The following CABP4 variants were observed in gnomAD, a reference collection of about 807,000 sequenced individuals.
CABP4 encodes calcium-binding protein 4.
CABP4 carries 30 observed loss-of-function variants against 30.7 expected under a neutral mutation model. The ratio of observed to expected loss-of-function variants is 0.98; its 90% CI spans 0.73 to 1.33. CABP4 has a LOEUF of 1.33. Among genes scored for constraint, CABP4 ranks in the 40% most tolerant of loss-of-function variants. The pLI, the probability that CABP4 is intolerant of heterozygous loss-of-function variation, is 0.00. For missense variants in CABP4, 424 were observed against 395.5 expected (o/e 1.07, Z -0.61); for synonymous variants, 161 against 159.2 (o/e 1.01, Z -0.08).
In CABP4 at chr11:67,459,877, G is replaced by T. The variant is rs754686225; in HGVS notation, c.*1218G>T. The T allele has an allele frequency of 2.0e-5, 3 of 152,218 alleles. No homozygotes were observed. Among genetic ancestry groups the T allele is most frequent in the Non-Finnish European group, 4.4e-5 (3 of 68,060 alleles). The allele number at this position is 152,218 out of a possible 1,614,324, so 9.4% of individuals were successfully genotyped here. A position where few individuals can be genotyped will look rare whatever the true frequency, so the allele number is the denominator to read the frequency against. On this transcript the variant is annotated 3_prime_UTR_variant, in exon 6 of 6. Coordinates refer to ENST00000325656, the MANE Select transcript of CABP4 (RefSeq NM_145200.5). The stretch of plus-strand genomic sequence containing the variant: ...AGGCAGGAGAATCGCTTGAGCCCGG[G>T]AGGTGGAGCTGCAGTGAGCTGAGAT...
At chr11:67,456,998 A>C (rs534448268) in intron 3 of CABP4, among the ~76,000 whole-genome samples, 21 of 152,040 alleles carry the variant, frequency 1.4e-4, no homozygotes, top group African/African-American at 4.8e-4. Context: ...TCATTCCAGG[A>C]CTCCTGCATT....
In CABP4 at chr11:67,455,509, A is replaced by G. The variant is rs1266519334; in HGVS notation, c.86A>G (p.Lys29Arg). The change falls in exon 1 of 6, where the codon AAG becomes AGG. Residue 29 changes from lysine (K) to arginine (R), a missense_variant. Physicochemically the swap from Lys to Arg is conservative, Grantham distance 26. Coordinates refer to ENST00000325656, the MANE Select transcript of CABP4 (RefSeq NM_145200.5). Reference protein sequence around the residue: ...QKPPAGVVTPKSDAEEPPLTR... With the variant: ...QKPPAGVVTPRSDAEEPPLTR... Reference sequence around the variant, plus strand: ...CCCCCTGCGGGGGTTGTGACTCCCAAGAGTGATGCAGAGGAGCCCCCGTTG... The same window carrying G: ...CCCCCTGCGGGGGTTGTGACTCCCAGGAGTGATGCAGAGGAGCCCCCGTTG... The G allele has an allele frequency of 3.1e-6, 5 of 1,605,036 alleles. No homozygotes were observed. The highest frequency in any genetic ancestry group is 4.2e-6 in the Non-Finnish European group (5 of 1,176,894).
rs35146220 is a variant in CABP4, at chr11:67,460,516, TACACAC to T, written c.*1879_*1884del. On this transcript the variant is annotated 3_prime_UTR_variant, in exon 6 of 6. Transcript: ENST00000325656. ...AAAAAAATAAAGTATATTTTATATA[TACACAC>T]ACACACACACACACACACACAGCCA... Among the ~76,000 whole-genome samples the T allele has an allele frequency of 2.0e-5, 3 of 149,492 alleles. No individual in the cohort carries two copies. The highest frequency in any genetic ancestry group is 1.5e-5 in the Non-Finnish European group (1 of 67,208).
chr11:67,457,626 A>G lies in CABP4; in HGVS notation c.595A>G (p.Arg199Gly), dbSNP rs1370017374. 22 of 1,605,754 alleles carry G rather than the reference A, an allele frequency of 1.4e-5. No individual in the cohort carries two copies. The highest frequency in any genetic ancestry group is 1.9e-5 in the Non-Finnish European group (22 of 1,176,312). The change falls in exon 4 of 6, where the codon AGG (arginine) becomes GGG (glycine). Residue 199 changes from arginine (R) to glycine (G), a missense_variant. Transcript: ENST00000325656. ...EFVELIGPKL[R>G]EETAHMLGVR... Reference sequence around the variant, plus strand: ...TGTAGAACTGATAGGCCCAAAGCTGAGGGAGGAGACGGCGCACATGCTGGG... The same window carrying G: ...TGTAGAACTGATAGGCCCAAAGCTGGGGGAGGAGACGGCGCACATGCTGGG...
chr11:67,455,922 G>C (rs1864769247), intron 1 of CABP4, 133 bp downstream of exon 1: 9 of 1,340,538 alleles, frequency 6.7e-6, no homozygotes, highest in African/African-American at 1.5e-5. Context: ...CTGTGGGGCA[G>C]GGTTGCTGCG....
chr11:67,452,591 G>A (rs761395961), upstream of CABP4: 10 of 1,611,984 alleles, frequency 6.2e-6, no homozygotes, highest in Admixed American at 1.3e-4. Flanking sequence ...CCCATTGGCT[G>A]GCAGCCCAAG....
chr11:67,456,439 C>A lies in CABP4; in HGVS notation c.538C>A (p.Arg180Ser). ...LLEVSQHIKM[R>S]MGGRVDFEEF... The stretch of plus-strand genomic sequence containing the variant: ...GGAGGTCTCGCAGCACATCAAGATG[C>A]GCAGTCAGTCAGGGAGCCCGCCCGC... The change falls in exon 3 of 6, where the codon CGC (arginine) becomes AGC (serine). Residue 180 changes from arginine (R) to serine (S), a missense_variant. Transcript: ENST00000325656. 6.2e-7 allele frequency: 1 copy of A among 1,610,440 alleles called. No individual in the cohort carries two copies. Among genetic ancestry groups the A allele is most frequent in the South Asian group, 1.1e-5 (1 of 91,062 alleles).
At position 67,455,651 on chromosome 11, in the gene CABP4, T is replaced by G. The variant is rs1050306159; in HGVS notation, c.228T>G (p.Thr76=). The change falls in exon 1 of 6, where the codon ACT becomes ACG. Residue 76 remains threonine (T), a synonymous_variant. Transcript: ENST00000325656. The part of the protein sequence containing the change: ...APGSSNNPPS[T]GEGPAGAPPA... ...GGAGCAGCAATAACCCTCCCAGCAC[T>G]GGAGAGGGGCCGGCGGGCGCACCCC... 1.1e-5 allele frequency: 17 copies of G among 1,610,370 alleles called. No homozygotes were observed. Among genetic ancestry groups the G allele is most frequent in the Admixed American group, 1.7e-5 (1 of 59,872 alleles).
chr11:67,455,692 C>T lies in CABP4; in HGVS notation c.269C>T (p.Pro90Leu), dbSNP rs748891243. 27 of 1,607,918 alleles carry T rather than the reference C, an allele frequency of 1.7e-5. No individual in the cohort carries two copies. The highest frequency in any genetic ancestry group is 1.4e-4 in the South Asian group (13 of 90,354). ...PAGAPPASPG[P>L]ASSRQSHRHR... ...GGCGCACCCCCTGCATCCCCTGGGC[C>T]GGCCTCTTCTCGCCAGTCCCACCGA... Residue 90 changes from proline (P) to leucine (L), a missense_variant, in exon 1 of 6, where the codon CCG becomes CTG. Coordinates refer to ENST00000325656, the MANE Select transcript of CABP4 (RefSeq NM_145200.5).
At chr11:67,454,068 C>T (rs1414615822), upstream of CABP4, among the ~76,000 whole-genome samples, 2 of 152,170 alleles carry the variant, frequency 1.3e-5, no homozygotes, top group Non-Finnish European at 2.9e-5. Flanking sequence ...TCCCGCTTCC[C>T]ACAGCTCAGG....
intron 3 of CABP4, 143 bp downstream of exon 3, chr11:67,456,585 T>A: frequency 9.3e-7 from 1 of 1,077,346 alleles, no homozygotes; most frequent in Non-Finnish European, 1.4e-6. Context: ...GGCACCGGGT[T>A]CAAGCTCCTG....
chr11:67,458,583 G>A, intron 5 of CABP4, 48 bp from the exon 6 acceptor site: 1 of 1,614,090 alleles, frequency 6.2e-7, no homozygotes, highest in Non-Finnish European at 8.5e-7. Flanking sequence ...AGCACCTCCT[G>A]GGATCCCTGA....
upstream of CABP4, chr11:67,453,752 C>T (rs2135165515): frequency 6.6e-6 from 1 of 152,356 alleles, no homozygotes; most frequent in South Asian, 2.0e-4. Flanking sequence ...TACCCCTACC[C>T]CCCAGGGTTC....
rs868435102 is a variant in CABP4, at chr11:67,455,968, G to C, written c.366+179G>C. 8 of 1,146,988 alleles carry C rather than the reference G, an allele frequency of 7.0e-6. No homozygotes were observed. The African/African-American group carries it at 1.1e-4, about 16-fold the overall frequency. The allele number at this position is 1,146,988 out of a possible 1,614,324, so 71.1% of individuals were successfully genotyped here. A position where few individuals can be genotyped will look rare whatever the true frequency, so the allele number is the denominator to read the frequency against. On this transcript the variant is annotated intron_variant, in intron 1 of 5. Coordinates refer to ENST00000325656, the MANE Select transcript of CABP4 (RefSeq NM_145200.5). ...GGGTAGGTCTCGGGCCAGCGTGGGCGGTGGGCAGAGCCAGAATTCACACCA... is the reference window on the plus strand; with the variant it reads ...GGGTAGGTCTCGGGCCAGCGTGGGCCGTGGGCAGAGCCAGAATTCACACCA...
chr11:67,453,380 T>C (rs1402546118), upstream of CABP4: 1 of 152,068 alleles, frequency 6.6e-6, no homozygotes, highest in Non-Finnish European at 1.5e-5. Context: ...AGGTATGGAA[T>C]TTTGTCTGTA....
chr11:67,460,909 C>T lies in CABP4; in HGVS notation c.*2250C>T, dbSNP rs985062656. Among the ~76,000 whole-genome samples the T allele has an allele frequency of 2.6e-5, 4 of 151,092 alleles. No individual in the cohort carries two copies. The highest frequency in any genetic ancestry group is 4.4e-5 in the Non-Finnish European group (3 of 67,910). On this transcript the variant is annotated 3_prime_UTR_variant, in exon 6 of 6. Coordinates refer to ENST00000325656, the MANE Select transcript of CABP4 (RefSeq NM_145200.5). ...CTGAGGCAAGAGAATGGCGTGAACC[C>T]AGGAGGCGGAGCTTGCAGTGAGCCG...
rs200503985 is a variant in CABP4, at chr11:67,456,431, T to C, written c.530T>C (p.Ile177Thr). 1.1e-5 allele frequency: 18 copies of C among 1,610,508 alleles called. No individual in the cohort carries two copies. The highest frequency in any genetic ancestry group is 1.5e-5 in the Non-Finnish European group (18 of 1,179,914). Reference sequence around the variant, plus strand: ...GAGCTCCTGGAGGTCTCGCAGCACATCAAGATGCGCAGTCAGTCAGGGAGC... The same window carrying C: ...GAGCTCCTGGAGGTCTCGCAGCACACCAAGATGCGCAGTCAGTCAGGGAGC... ...EMELLEVSQH[I>T]KMRMGGRVDF... Residue 177 changes from isoleucine to threonine, a missense_variant, in exon 3 of 6, where the codon ATC (isoleucine) becomes ACC (threonine). Coordinates refer to ENST00000325656, the MANE Select transcript of CABP4 (RefSeq NM_145200.5).
Position 67,459,027 on chromosome 11 carries a change from C to T in CABP4, c.*368C>T, listed in dbSNP as rs553822363. ...GAGGATGGCTGGACCCCTTCCACTA[C>T]TTATGTTTATAATTTTTTTTTTTTT... On this transcript the variant is annotated 3_prime_UTR_variant, in exon 6 of 6. Transcript: ENST00000325656. The T allele has an allele frequency of 5.2e-5, 17 of 324,848 alleles. No individual in the cohort carries two copies. Among genetic ancestry groups the T allele is most frequent in the African/African-American group, 3.8e-4 (17 of 45,084 alleles). The allele number at this position is 324,848 out of a possible 1,614,324, so 20.1% of individuals were successfully genotyped here.
upstream of CABP4, chr11:67,452,995 A>C: frequency 2.6e-6 from 1 of 382,040 alleles, no homozygotes; most frequent in Non-Finnish European, 4.6e-6. Context: ...CCAGGGCTCA[A>C]CCCAGACTTT....
Sources: gnomAD v4.1 joint callset for allele counts (sites outside exome capture counted in the v4.1 genomes callset) on GRCh38, gnomAD v4.1.1 for gene constraint, MANE v1.5 for transcripts, NCBI Gene and HGNC (gene_info 2026-07-23, HGNC 2026-07-21) for gene names.